AGBL1: variants seen among roughly 807,000 people sequenced by gnomAD.
AGBL1 encodes AGBL carboxypeptidase 1.
A neutral mutation model predicts 118.9 loss-of-function variants in AGBL1; 130 were observed. The ratio of observed to expected loss-of-function variants is 1.09; its 90% CI spans 0.95 to 1.26. The LOEUF (loss-of-function observed/expected upper bound fraction) is 1.26, where lower values mean the gene tolerates loss of function less well. Ranked by LOEUF, AGBL1 falls within the 50% of genes most tolerant of loss-of-function variation. The probability of loss-of-function intolerance (pLI) is 0.00; values close to 1 mark genes in which losing one functional copy is unlikely to be tolerated. For missense variants in AGBL1, 1,584 were observed against 1,298.1 expected (o/e 1.22, Z -3.38); for synonymous variants, 555 against 478.9 (o/e 1.16, Z -2.08).
intron 22 of AGBL1, among the ~76,000 whole-genome samples, chr15:86,774,353 G>A (rs886478573): frequency 3.3e-5 from 5 of 152,090 alleles, no homozygotes; most frequent in African/African-American, 9.7e-5. Flanking sequence ...ATTAAACAAT[G>A]TTTAAGAGTT....
chr15:86,962,778 G>C (rs1318722312), intron 23 of AGBL1, among the ~76,000 whole-genome samples: 1 of 152,042 alleles, frequency 6.6e-6, no homozygotes, highest in Non-Finnish European at 1.5e-5. Flanking sequence ...TGTGGATCTT[G>C]TTAGAAATGT....
chr15:86,339,744 G>A (rs1043548782), intron 17 of AGBL1, among the ~76,000 whole-genome samples: 2 of 152,044 alleles, frequency 1.3e-5, no homozygotes, highest in African/African-American at 2.4e-5. Context: ...CGAGGTGGGC[G>A]GATCACAAGG....
chr15:86,377,083 T>G (rs980744902), intron 17 of AGBL1, among the ~76,000 whole-genome samples: 1 of 152,188 alleles, frequency 6.6e-6, no homozygotes, highest in Non-Finnish European at 1.5e-5. Flanking sequence ...GAGGTTTTTC[T>G]GGCTGGGCCT....
intron 17 of AGBL1, among the ~76,000 whole-genome samples, chr15:86,383,158 T>G (rs1596043807): frequency 6.8e-6 from 1 of 147,314 alleles, no homozygotes; most frequent in Middle Eastern, 3.6e-3. Context: ...AGATGTCAGC[T>G]GTCTTAAATA....
intron 18 of AGBL1, among the ~76,000 whole-genome samples, chr15:86,410,912 T>C (rs1210389136): frequency 8.2e-6 from 1 of 122,052 alleles, no homozygotes; most frequent in Non-Finnish European, 1.6e-5. Context: ...ATATATAATA[T>C]ATGTTATATA....
Position 86,674,301 on chromosome 15 carries a change from A to G in AGBL1, c.3023A>G (p.Glu1008Gly), listed in dbSNP as rs2085797972. 1 of 1,611,642 alleles carries G rather than the reference A, an allele frequency of 6.2e-7. No individual in the cohort carries two copies. The highest frequency in any genetic ancestry group is 8.5e-7 in the Non-Finnish European group (1 of 1,178,852). Reference protein sequence around the residue: ...QGLQFGTRELEEMGAMFCLGL... With the variant: ...QGLQFGTRELGEMGAMFCLGL... ...CTACAGTTTGGTACCAGAGAACTGGAGGAGATGGGAGCCATGTTCTGTTTG... is the reference window on the plus strand; with the variant it reads ...CTACAGTTTGGTACCAGAGAACTGGGGGAGATGGGAGCCATGTTCTGTTTG... The change falls in exon 22 of 23, where the codon GAG becomes GGG. Residue 1008 changes from glutamate (E) to glycine (G), a missense_variant. Transcript: ENST00000614907.
intron 22 of AGBL1, among the ~76,000 whole-genome samples, chr15:86,704,992 T>A (rs2086422550): frequency 6.6e-6 from 1 of 152,138 alleles, no homozygotes; most frequent in Admixed American, 6.5e-5. Context: ...GGGACGTGGA[T>A]GAAGCTGGAA....
Position 86,986,206 on chromosome 15 carries a change from G to A in AGBL1, c.3222-1781G>A, listed in dbSNP as rs189710996. Reference sequence around the variant, plus strand: ...CCCAAAGTGCTAGGATTACAGGCGTGAGCCACGGCGCCCGGCCAGGATATC... The same window carrying A: ...CCCAAAGTGCTAGGATTACAGGCGTAAGCCACGGCGCCCGGCCAGGATATC... On this transcript the variant is annotated intron_variant, in intron 23 of 24. Transcript: ENST00000441037. Among the ~76,000 whole-genome samples, 94 of 152,264 alleles carry A rather than the reference G, an allele frequency of 6.2e-4. 1 individual carries two copies. In the East Asian group the frequency reaches 0.016, roughly 26 times the overall value.
chr15:86,590,449 T>C (rs577157571), intron 21 of AGBL1, among the ~76,000 whole-genome samples: 173 of 152,314 alleles, frequency 1.1e-3, no homozygotes, highest in African/African-American at 3.9e-3. Flanking sequence ...AAGAAGGACC[T>C]GTTTGCTTCT....
At chr15:86,155,078 A>G (rs2077170062) in intron 4 of AGBL1, among the ~76,000 whole-genome samples, 1 of 152,140 alleles carries the variant, frequency 6.6e-6, no homozygotes, top group Non-Finnish European at 1.5e-5. Flanking sequence ...CTCAGTTGAT[A>G]TTTATTTGCT....
chr15:86,566,350 A>T (rs1596272646), intron 21 of AGBL1, among the ~76,000 whole-genome samples: 1 of 152,124 alleles, frequency 6.6e-6, no homozygotes, highest in Non-Finnish European at 1.5e-5. Flanking sequence ...TTTTCAAGTG[A>T]CTTTGGCTGT....
intron 21 of AGBL1, among the ~76,000 whole-genome samples, chr15:86,629,774 A>T (rs1167422098): frequency 3.3e-5 from 5 of 152,330 alleles, no homozygotes; most frequent in African/African-American, 1.2e-4. Context: ...TCCCGTTCAT[A>T]TTTATAGTGA....
intron 21 of AGBL1, among the ~76,000 whole-genome samples, chr15:86,562,232 G>T (rs962287889): frequency 6.6e-6 from 1 of 152,108 alleles, no homozygotes; most frequent in African/African-American, 2.4e-5. Flanking sequence ...GTTTTCAAAG[G>T]GAATGCTTCC....
chr15:86,712,264 C>T (rs1174639318), intron 22 of AGBL1, among the ~76,000 whole-genome samples: 3 of 152,086 alleles, frequency 2.0e-5, no homozygotes, highest in African/African-American at 7.2e-5. Context: ...ATAAAGATGT[C>T]CCAGCCTCGT....
chr15:86,545,732 C>T (rs1318338463), intron 19 of AGBL1, among the ~76,000 whole-genome samples: 1 of 152,132 alleles, frequency 6.6e-6, no homozygotes, highest in East Asian at 1.9e-4. Flanking sequence ...AAGAGCTATA[C>T]ATGACTTGCG....
chr15:86,173,710 C>T (rs2077444661), intron 5 of AGBL1, among the ~76,000 whole-genome samples: 2 of 152,096 alleles, frequency 1.3e-5, no homozygotes, highest in Non-Finnish European at 2.9e-5. Flanking sequence ...GTCCTTTCCC[C>T]AAAGGATGTT....
intron 23 of AGBL1, among the ~76,000 whole-genome samples, chr15:86,981,979 T>G (rs1452956847): frequency 1.3e-5 from 2 of 152,198 alleles, no homozygotes; most frequent in Non-Finnish European, 2.9e-5. Flanking sequence ...CTTTAAAAAT[T>G]ATAATGTAAA....
rs1406239056 is a variant in AGBL1, at chr15:86,915,654, C to G, written c.*8360C>G. 6.6e-6 allele frequency: 1 copy of G among 152,200 alleles called. No individual in the cohort carries two copies. Among genetic ancestry groups the G allele is most frequent in the Non-Finnish European group, 1.5e-5 (1 of 68,070 alleles). The allele number at this position is 152,200 out of a possible 1,614,324, so 9.4% of individuals were successfully genotyped here. A position where few individuals can be genotyped will look rare whatever the true frequency, so the allele number is the denominator to read the frequency against. ...CCCTCTTCACCTCCCCCCCACCGCC[C>G]CACTGCACCAAGACTGTAATATCTT... On this transcript the variant is annotated 3_prime_UTR_variant, in exon 23 of 23. Transcript: ENST00000614907.
At position 86,157,356 on chromosome 15, in the gene AGBL1, G is replaced by C. The variant is rs556790253; in HGVS notation, c.395-1577G>C. The stretch of plus-strand genomic sequence containing the variant: ...AACTCTCATTAATGAATAGACAGAA[G>C]GTGTGCCACCCACATTTGCAGTGTG... On this transcript the variant is annotated intron_variant, in intron 4 of 22. Coordinates refer to ENST00000614907, the MANE Select transcript of AGBL1 (RefSeq NM_001386094.1). Among the ~76,000 whole-genome samples the C allele has an allele frequency of 3.8e-4, 58 of 152,266 alleles. No individual in the cohort carries two copies. The East Asian group carries it at 0.01, about 26-fold the overall frequency.
Sources: allele counts gnomAD v4.1 joint callset (sites outside exome capture counted in the v4.1 genomes callset), GRCh38; gene constraint gnomAD v4.1.1; transcripts MANE v1.5; gene names NCBI Gene and HGNC (gene_info 2026-07-23, HGNC 2026-07-21).